Variants in METTL6 observed in about 807,000 individuals in gnomAD.
The protein encoded by METTL6 is tRNA N(3)-cytidine methyltransferase METTL6.
METTL6 carries 22 observed loss-of-function variants against 26.4 expected under a neutral mutation model. The ratio of observed to expected loss-of-function variants is 0.83; its 90% CI spans 0.59 to 1.19. The LOEUF (loss-of-function observed/expected upper bound fraction) is 1.19. Among genes scored for constraint, METTL6 ranks in the 50% most tolerant of loss-of-function variants. The pLI, the probability that METTL6 is intolerant of heterozygous loss-of-function variation, is 0.00. For missense variants in METTL6, 304 were observed against 324.8 expected (o/e 0.94, Z 0.49); for synonymous variants, 109 against 116.2 (o/e 0.94, Z 0.40).
chr3:15,395,813 A>T (rs897540907), intron 6 of METTL6, among the ~76,000 whole-genome samples: 7 of 152,146 alleles, frequency 4.6e-5, no homozygotes, highest in African/African-American at 7.2e-5. Flanking sequence ...AAGAATGTTG[A>T]ATATTGGCCC....
At chr3:15,396,477 T>C (rs923499355) in intron 6 of METTL6, among the ~76,000 whole-genome samples, 1 of 152,208 alleles carries the variant, frequency 6.6e-6, no homozygotes, top group African/African-American at 2.4e-5. Flanking sequence ...TCTGAAGCCT[T>C]CTTCTCTCAA....
At chr3:15,417,436 T>C (rs976611763) in intron 3 of METTL6, among the ~76,000 whole-genome samples, 19 of 149,830 alleles carry the variant, frequency 1.3e-4, no homozygotes, top group African/African-American at 4.7e-4. Context: ...GCCTGCATGA[T>C]AGAGACTCTG....
At chr3:15,422,812 C>T (rs1178473672) in intron 3 of METTL6, among the ~76,000 whole-genome samples, 1 of 152,038 alleles carries the variant, frequency 6.6e-6, no homozygotes, top group Non-Finnish European at 1.5e-5. Flanking sequence ...CTATCTTAAC[C>T]CTGTGATCAA....
intron 2 of METTL6, 69 bp from the exon 3 acceptor site, chr3:15,425,158 G>A: frequency 6.4e-7 from 1 of 1,571,308 alleles, no homozygotes. Flanking sequence ...CAAACTAAAA[G>A]GTCCAGAATA....
At chr3:15,391,965 G>A (rs557570895) in intron 6 of METTL6, among the ~76,000 whole-genome samples, 3 of 152,234 alleles carry the variant, frequency 2.0e-5, no homozygotes, top group African/African-American at 4.8e-5. Flanking sequence ...ACATACATGT[G>A]CATGTGTCTT....
intron 6 of METTL6, among the ~76,000 whole-genome samples, chr3:15,398,136 T>TC (rs1699542488): frequency 6.6e-6 from 1 of 151,594 alleles, no homozygotes; most frequent in Non-Finnish European, 1.5e-5. Context: ...GAGTGATAAC[T>TC]CCATCTCCCA....
At chr3:15,390,715 C>T (rs1262538052) in intron 6 of METTL6, among the ~76,000 whole-genome samples, 5 of 152,192 alleles carry the variant, frequency 3.3e-5, no homozygotes, top group South Asian at 2.1e-4. Flanking sequence ...CTCTTCAGTC[C>T]GAGGACAGCT....
downstream of METTL6, among the ~76,000 whole-genome samples, chr3:15,408,562 C>CTTT (rs57787117): frequency 0.41 from 47,713 of 115,960 alleles, 11,217 homozygotes; most frequent in South Asian, 0.46. Flanking sequence ...GCTCCTTGCT[C>CTTT]TTTTTTTTTT....
intron 6 of METTL6, among the ~76,000 whole-genome samples, chr3:15,392,185 G>T (rs183801845): frequency 6.6e-6 from 1 of 152,038 alleles, no homozygotes; most frequent in African/African-American, 2.4e-5. Flanking sequence ...TTTAATGACC[G>T]CCATTCTAAC....
chr3:15,426,585 G>T lies in METTL6; in HGVS notation c.-74C>A. ...CAAATAATATGAATCCACGCTAATG[G>T]ATCAGATACATTTCCTGAGGTGAGT... On this transcript the variant is annotated 5_prime_UTR_variant, in exon 2 of 6. Transcript: ENST00000383790. 7.4e-7 allele frequency: 1 copy of T among 1,349,532 alleles called. No individual in the cohort carries two copies. The highest frequency in any genetic ancestry group is 1.0e-6 in the Non-Finnish European group (1 of 964,204). The allele number at this position is 1,349,532 out of a possible 1,614,324, so 83.6% of individuals were successfully genotyped here.
At chr3:15,416,865 T>A (rs1305405359) in intron 3 of METTL6, among the ~76,000 whole-genome samples, 1 of 152,148 alleles carries the variant, frequency 6.6e-6, no homozygotes, top group East Asian at 1.9e-4. Context: ...AATGCAAAAT[T>A]AAAAAGATGT....
chr3:15,413,897 G>T, intron 5 of METTL6, 124 bp downstream of exon 5: 1 of 1,548,834 alleles, frequency 6.5e-7, no homozygotes. Context: ...TGCAGTAGAG[G>T]GCTTGTTTCA....
At chr3:15,395,739 C>A (rs1237345587) in intron 6 of METTL6, among the ~76,000 whole-genome samples, 1 of 151,874 alleles carries the variant, frequency 6.6e-6, no homozygotes, top group East Asian at 1.9e-4. Context: ...TATTTTATTT[C>A]TCCTTCACTT....
At chr3:15,414,635 G>C (rs1243114497) in intron 4 of METTL6, 4 of 287,230 alleles carry the variant, frequency 1.4e-5, no homozygotes, top group Non-Finnish European at 2.7e-5. Context: ...TTACAGGCGT[G>C]AGCCACCTCG....
rs574695685 is a variant in METTL6 at position 15,417,486 on chromosome 3, A to AATAG, written c.361-1545_361-1544insCTAT. Among the ~76,000 whole-genome samples, 13 of 150,846 alleles carry AATAG rather than the reference A, an allele frequency of 8.6e-5. No individual in the cohort carries two copies. The South Asian group carries it at 1.0e-3, about 12-fold the overall frequency. ...AAATAAATAAATAAATAAATAAATA[A>AATAG]AATAGAATGAAGAATAATAAAGGAG... On this transcript the variant is annotated intron_variant, in intron 3 of 5. Transcript: ENST00000383790.
chr3:15,423,131 C>T (rs2061642955), intron 3 of METTL6, among the ~76,000 whole-genome samples: 1 of 152,122 alleles, frequency 6.6e-6, no homozygotes, highest in Non-Finnish European at 1.5e-5. Flanking sequence ...CGTGGTGGCT[C>T]ACGCCTGTAA....
At chr3:15,398,875 C>G (rs528048825) in intron 6 of METTL6, among the ~76,000 whole-genome samples, 2 of 152,198 alleles carry the variant, frequency 1.3e-5, no homozygotes, top group African/African-American at 4.8e-5. Context: ...CCAAGACCTA[C>G]TGGGCTGCAT....
intron 3 of METTL6, among the ~76,000 whole-genome samples, chr3:15,424,705 A>C (rs1187438145): frequency 6.6e-6 from 1 of 152,254 alleles, no homozygotes; most frequent in Admixed American, 6.5e-5. Context: ...TAGTTCAGCA[A>C]AGAAAAATTG....
At chr3:15,397,690 C>A (rs544163989) in intron 6 of METTL6, among the ~76,000 whole-genome samples, 1 of 152,156 alleles carries the variant, frequency 6.6e-6, no homozygotes, top group African/African-American at 2.4e-5. Context: ...ATTATAATAG[C>A]CCTTCCCCCA....
Sources: gnomAD v4.1 joint callset for allele counts (sites outside exome capture counted in the v4.1 genomes callset) on GRCh38, gnomAD v4.1.1 for gene constraint, MANE v1.5 for transcripts, NCBI Gene and HGNC (gene_info 2026-07-23, HGNC 2026-07-21) for gene names.